Variants in SCN1A observed in about 807,000 individuals in gnomAD.
The protein encoded by SCN1A is sodium channel protein type 1 subunit alpha.
Under a neutral mutation model 193.7 loss-of-function variants are expected in SCN1A, and 13 were observed. That is an observed-to-expected ratio of 0.07 (90% CI 0.04 to 0.11). SCN1A has a LOEUF of 0.11. SCN1A is among the 10% of genes least tolerant of loss of function. The pLI, the probability that SCN1A is intolerant of heterozygous loss-of-function variation, is 1.00. For missense variants in SCN1A, 1,432 were observed against 2,451.1 expected, an observed-to-expected ratio of 0.58 and a Z score of 8.78; for synonymous variants, 781 against 843.6, an observed-to-expected ratio of 0.93 and a Z score of 1.29.
At chr2:166,118,096 G>A (rs1690074876) in intron 2 of SCN1A, among the ~76,000 whole-genome samples, 1 of 149,572 alleles carries the variant, frequency 6.7e-6, no homozygotes. Flanking sequence ...GAAATCAGCA[G>A]AGTATGCAAA....
intron 19 of SCN1A, among the ~76,000 whole-genome samples, chr2:166,028,947 T>A (rs976263153): frequency 6.6e-5 from 10 of 152,124 alleles, no homozygotes; most frequent in Admixed American, 1.3e-4. Context: ...TAGAATAAAG[T>A]GACATTTGGG....
At chr2:166,012,612 C>CTTTTTTTTTTTTT (rs60890420) in intron 21 of SCN1A, among the ~76,000 whole-genome samples, 3 of 77,210 alleles carry the variant, frequency 3.9e-5, no homozygotes, top group Non-Finnish European at 7.2e-5. Context: ...CTTCTATTGG[C>CTTTTTTTTTTTTT]TTTTTTTTTT....
intron 20 of SCN1A, 41 bp downstream of exon 20, chr2:166,015,566 C>A (rs374036257): frequency 1.4e-5 from 23 of 1,609,782 alleles, no homozygotes; most frequent in Non-Finnish European, 1.9e-5. Flanking sequence ...AAACAAGCTG[C>A]ACTCCAAATG....
At chr2:166,064,145 C>A (rs989765777) in intron 4 of SCN1A, among the ~76,000 whole-genome samples, 1 of 152,084 alleles carries the variant, frequency 6.6e-6, no homozygotes, top group African/African-American at 2.4e-5. Context: ...GTTAAGGGTG[C>A]AAACTCTGAA....
chr2:166,149,150 T>G (rs1294365779), exon 1 of SCN1A: 3 of 152,250 alleles, frequency 2.0e-5, no homozygotes, highest in African/African-American at 7.2e-5. Context: ...CAGCAGTGTG[T>G]CTCCTACACT....
intron 22 of SCN1A, 117 bp downstream of exon 22, chr2:166,011,992 T>C: frequency 3.4e-6 from 3 of 869,576 alleles, no homozygotes; most frequent in Non-Finnish European, 5.7e-6. Context: ...TATATGCGTT[T>C]AGTGGTTATT....
chr2:166,117,968 A>AAG (rs910558809), intron 2 of SCN1A, among the ~76,000 whole-genome samples: 1 of 148,822 alleles, frequency 6.7e-6, no homozygotes, highest in African/African-American at 2.5e-5. Context: ...GTCTCAAAAA[A>AAG]AAAAATTTTT....
intron 27 of SCN1A, among the ~76,000 whole-genome samples, chr2:165,994,650 A>C (rs1001968614): frequency 2.7e-5 from 4 of 150,870 alleles, no homozygotes; most frequent in Admixed American, 2.0e-4. Context: ...GTTTCTGATA[A>C]AAACAAACAA....
chr2:166,026,307 T>C (rs1315353495), intron 19 of SCN1A, among the ~76,000 whole-genome samples: 1 of 152,140 alleles, frequency 6.6e-6, no homozygotes, highest in Non-Finnish European at 1.5e-5. Flanking sequence ...TGCATCAATA[T>C]ATTCTTATAA....
At position 166,027,327 on chromosome 2, in the gene SCN1A, C is replaced by T. The variant is rs184144831; in HGVS notation, c.3429+8721G>A. 1.3e-5 allele frequency: 2 copies of T among 152,202 alleles called. 1 individual carries two copies. The highest frequency in any genetic ancestry group is 1.3e-4 in the Admixed American group (2 of 15,266). The allele number at this position is 152,202 out of a possible 1,614,324, so 9.4% of individuals were successfully genotyped here. A position where few individuals can be genotyped will look rare whatever the true frequency, so the allele number is the denominator to read the frequency against. ...AATGATTTTGACCTTGAGGGTAAGG[C>T]AAAACAAAGCAAGGCAAAGAAAACT... On this transcript the variant is annotated intron_variant, in intron 19 of 28. Coordinates refer to ENST00000674923, the MANE Select transcript of SCN1A (RefSeq NM_001165963.4).
In SCN1A at chr2:165,987,162, C is replaced by T. The variant is rs1300628612; in HGVS notation, c.*4083G>A. On this transcript the variant is annotated 3_prime_UTR_variant, in exon 29 of 29. Coordinates refer to ENST00000674923, the MANE Select transcript of SCN1A (RefSeq NM_001165963.4). ...GTCCACTTATTTTATAGAGTGTCCTCAATTTGATTTTCCTTGTAGTTAGAT... is the reference window on the plus strand; with the variant it reads ...GTCCACTTATTTTATAGAGTGTCCTTAATTTGATTTTCCTTGTAGTTAGAT... 6.6e-6 allele frequency: 1 copy of T among 151,980 alleles called. No individual in the cohort carries two copies. The highest frequency in any genetic ancestry group is 1.5e-5 in the Non-Finnish European group (1 of 67,972). The allele number at this position is 151,980 out of a possible 1,614,324, so 9.4% of individuals were successfully genotyped here. A position where few individuals can be genotyped will look rare whatever the true frequency, so the allele number is the denominator to read the frequency against.
intron 19 of SCN1A, among the ~76,000 whole-genome samples, chr2:166,020,828 A>G (rs539282258): frequency 2.4e-3 from 366 of 152,302 alleles, no homozygotes; most frequent in Non-Finnish European, 4.1e-3. Flanking sequence ...GGGGGAAAAA[A>G]AAAACTAAAC....
intron 19 of SCN1A, among the ~76,000 whole-genome samples, chr2:166,031,942 C>T (rs1468274995): frequency 2.0e-5 from 3 of 152,094 alleles, no homozygotes; most frequent in Admixed American, 6.6e-5. Flanking sequence ...AACTTTATAA[C>T]TGTGGCCTCA....
chr2:166,101,288 T>A (rs987049173), intron 2 of SCN1A, among the ~76,000 whole-genome samples: 1 of 145,296 alleles, frequency 6.9e-6, no homozygotes, highest in African/African-American at 2.6e-5. Context: ...ATATTCTCAC[T>A]CATAGGTGGG....
Position 166,043,824 on chromosome 2 carries a change from G to A in SCN1A, c.1888C>T (p.Arg630Trp), listed in dbSNP as rs565855062. 9.3e-6 allele frequency: 15 copies of A among 1,614,140 alleles called. No individual in the cohort carries two copies. The East Asian group carries it at 2.9e-4, about 31-fold the overall frequency. The stretch of plus-strand genomic sequence containing the variant: ...TTCGCTGGAAACACTGCCAGCATCC[G>A]GGATGACCTACTGGTCTGACTCAGG... ...SNLSQTSRSS[R>W]MLAVFPANGK... is the part of the protein sequence containing the mutation. Residue 630 changes from arginine to tryptophan, a missense_variant, in exon 14 of 29, where the codon CGG (arginine) becomes TGG (tryptophan). By Grantham distance (101) the Arg-to-Trp change is moderately radical. Transcript: ENST00000674923.
downstream of SCN1A, chr2:165,985,361 G>C (rs931506741): frequency 6.6e-6 from 1 of 151,024 alleles, no homozygotes; most frequent in Admixed American, 6.6e-5. Context: ...TAAGAAAAAG[G>C]AAGGAAAAAG....
Position 166,066,083 on chromosome 2 carries a change from T to C in SCN1A, c.264+7275A>G, listed in dbSNP as rs192116777. On this transcript the variant is annotated intron_variant, in intron 4 of 28. Coordinates refer to ENST00000674923, the MANE Select transcript of SCN1A (RefSeq NM_001165963.4). Reference sequence around the variant, plus strand: ...TCCTATGCTTTAGCTGGGTGGAGGGTTGGGGCCAGTGGAGGAGATAACTCT... The same window carrying C: ...TCCTATGCTTTAGCTGGGTGGAGGGCTGGGGCCAGTGGAGGAGATAACTCT... Among the ~76,000 whole-genome samples the C allele has an allele frequency of 2.6e-5, 4 of 152,092 alleles. No individual in the cohort carries two copies. The East Asian group carries it at 7.7e-4, about 29-fold the overall frequency.
chr2:166,071,215 T>C (rs1331693289), intron 4 of SCN1A, among the ~76,000 whole-genome samples: 3 of 152,230 alleles, frequency 2.0e-5, no homozygotes, highest in Non-Finnish European at 4.4e-5. Context: ...GCATTTTTAC[T>C]TTTCTTATAC....
At chr2:166,083,553 A>T (rs1021364374) in intron 2 of SCN1A, among the ~76,000 whole-genome samples, 2 of 151,976 alleles carry the variant, frequency 1.3e-5, no homozygotes, top group African/African-American at 2.4e-5. Context: ...TACATACAAT[A>T]CATAGAAATA....
Sources: gnomAD v4.1 joint callset for allele counts (sites outside exome capture counted in the v4.1 genomes callset) on GRCh38, gnomAD v4.1.1 for gene constraint, MANE v1.5 for transcripts, NCBI Gene and HGNC (gene_info 2026-07-23, HGNC 2026-07-21) for gene names.